Variants in PLEKHA7 observed in about 807,000 individuals in gnomAD.
PLEKHA7 encodes pleckstrin homology domain containing A7.
PLEKHA7 carries 104 observed loss-of-function variants against 170.0 expected under a neutral mutation model. The observed-to-expected ratio is 0.61, with a 90% CI of 0.52 to 0.72. The LOEUF (loss-of-function observed/expected upper bound fraction) is 0.72. Among genes scored for constraint, PLEKHA7 ranks in the 30% least tolerant of loss-of-function variants. The pLI, the probability that PLEKHA7 is intolerant of heterozygous loss-of-function variation, is 0.00. For missense variants in PLEKHA7, 1,615 were observed against 1,671.7 expected (o/e 0.97, Z 0.59); for synonymous variants, 648 against 660.8 (o/e 0.98, Z 0.30).
At position 16,899,407 on chromosome 11, in the gene PLEKHA7, G is replaced by A. The variant is rs547664521; in HGVS notation, c.222-28225C>T. Among the ~76,000 whole-genome samples the A allele has an allele frequency of 1.8e-4, 28 of 152,314 alleles. 1 individual carries two copies. In the South Asian group the frequency reaches 5.6e-3, roughly 30 times the overall value. Reference sequence around the variant, plus strand: ...AGCTACTAGGGAGGCTGAGGAAGGAGAATCGCTTGAACCTGGGAGGCGGAG... The same window carrying A: ...AGCTACTAGGGAGGCTGAGGAAGGAAAATCGCTTGAACCTGGGAGGCGGAG... On this transcript the variant is annotated intron_variant, in intron 3 of 26. Transcript: ENST00000531066.
At chr11:16,810,734 A>T (rs1009017611) in intron 13 of PLEKHA7, among the ~76,000 whole-genome samples, 1 of 152,210 alleles carries the variant, frequency 6.6e-6, no homozygotes, top group African/African-American at 2.4e-5. Flanking sequence ...ATTTCTTGGC[A>T]TAACAATCCA....
chr11:16,800,412 T>C (rs1590160199), intron 17 of PLEKHA7, among the ~76,000 whole-genome samples: 1 of 152,130 alleles, frequency 6.6e-6, no homozygotes, highest in Non-Finnish European at 1.5e-5. Flanking sequence ...GTGGCAGGGC[T>C]CTAAGGCCAA....
intron 8 of PLEKHA7, among the ~76,000 whole-genome samples, chr11:16,843,829 C>T (rs1051930343): frequency 2.0e-5 from 3 of 152,034 alleles, no homozygotes; most frequent in African/African-American, 7.2e-5. Flanking sequence ...CTCAGCTACT[C>T]GGGAGGCTGA....
chr11:16,829,859 TTTTTC>T (rs201111448), intron 9 of PLEKHA7, among the ~76,000 whole-genome samples: 218 of 135,248 alleles, frequency 1.6e-3, no homozygotes, highest in African/African-American at 8.1e-3. Flanking sequence ...TCTTTTTTCT[TTTTTC>T]TTTTTTTCAC....
intron 8 of PLEKHA7, among the ~76,000 whole-genome samples, chr11:16,845,889 C>A (rs1384718847): frequency 2.0e-5 from 3 of 151,986 alleles, no homozygotes; most frequent in Non-Finnish European, 4.4e-5. Context: ...TACCTGCAGG[C>A]CTTGGCAATG....
chr11:16,937,576 A>G (rs1303791138), intron 3 of PLEKHA7, among the ~76,000 whole-genome samples: 1 of 152,110 alleles, frequency 6.6e-6, no homozygotes. Context: ...ACAAACTAGG[A>G]AGCACTTAGC....
At chr11:16,801,874 C>G in intron 15 of PLEKHA7, 57 bp from the exon 16 acceptor site, 3 of 1,601,382 alleles carry the variant, frequency 1.9e-6, no homozygotes, top group Non-Finnish European at 2.6e-6. Context: ...CAGAGGCCTC[C>G]CCATACCACA....
chr11:16,972,529 G>C (rs1862785866), intron 3 of PLEKHA7, among the ~76,000 whole-genome samples: 1 of 152,086 alleles, frequency 6.6e-6, no homozygotes, highest in African/African-American at 2.4e-5. Flanking sequence ...TCCTGCCTCG[G>C]CTTCTCAAGT....
chr11:16,929,609 T>C (rs905243288), intron 3 of PLEKHA7, among the ~76,000 whole-genome samples: 4 of 152,208 alleles, frequency 2.6e-5, no homozygotes, highest in Non-Finnish European at 2.9e-5. Context: ...TCTTGGTAAA[T>C]AGCCTAATAA....
chr11:16,956,817 T>C (rs1288029889), intron 3 of PLEKHA7, among the ~76,000 whole-genome samples: 1 of 152,224 alleles, frequency 6.6e-6, no homozygotes, highest in African/African-American at 2.4e-5. Context: ...CTGAGGTCTC[T>C]GGCGGTTATA....
chr11:16,966,598 C>A (rs1049824101), intron 3 of PLEKHA7, among the ~76,000 whole-genome samples: 1 of 152,042 alleles, frequency 6.6e-6, no homozygotes, highest in African/African-American at 2.4e-5. Context: ...AGATCCAGGG[C>A]CTCTAACAAA....
intron 4 of PLEKHA7, among the ~76,000 whole-genome samples, chr11:16,861,184 C>T (rs1297538187): frequency 6.6e-6 from 1 of 152,054 alleles, no homozygotes; most frequent in East Asian, 1.9e-4. Flanking sequence ...AATTCTGTGT[C>T]TGGAGGACTG....
intron 3 of PLEKHA7, among the ~76,000 whole-genome samples, chr11:16,994,883 G>C (rs1370538831): frequency 6.6e-6 from 1 of 152,112 alleles, no homozygotes; most frequent in Non-Finnish European, 1.5e-5. Flanking sequence ...ACATGGCTGT[G>C]TCCCCACCAG....
In PLEKHA7 at chr11:16,984,471, C is replaced by T. The variant is rs1021006722; in HGVS notation, c.221+29518G>A. ...TCAAGGGCCTGCACCTCTCCAGTCT[C>T]AACTCCTACTCCCTGAGCTCCATCC... is the stretch of plus-strand genomic sequence containing the variant. On this transcript the variant is annotated intron_variant, in intron 3 of 26. Coordinates refer to ENST00000531066, the MANE Select transcript of PLEKHA7 (RefSeq NM_001329630.2). Among the ~76,000 whole-genome samples, 13 of 152,290 alleles carry T rather than the reference C, an allele frequency of 8.5e-5. No homozygotes were observed. In the South Asian group the frequency reaches 1.7e-3, roughly 19 times the overall value.
At chr11:16,802,087 T>G (rs1267055945) in intron 15 of PLEKHA7, among the ~76,000 whole-genome samples, 1 of 151,808 alleles carries the variant, frequency 6.6e-6, no homozygotes, top group Non-Finnish European at 1.5e-5. Flanking sequence ...ACTAAGAGAA[T>G]AAACTAAGCT....
In PLEKHA7 at chr11:16,846,106, G is replaced by A. The variant is rs1440783724; in HGVS notation, c.697-4384C>T. Among the ~76,000 whole-genome samples the A allele has an allele frequency of 2.6e-5, 4 of 152,086 alleles. No homozygotes were observed. The East Asian group carries it at 7.7e-4, about 29-fold the overall frequency. ...TTGAGACAAGCCTGGCCAACATGGTGAAACCCAGTCTCTACTAAAAACACA... is the reference window on the plus strand; with the variant it reads ...TTGAGACAAGCCTGGCCAACATGGTAAAACCCAGTCTCTACTAAAAACACA... On this transcript the variant is annotated intron_variant, in intron 8 of 26. Coordinates refer to ENST00000531066, the MANE Select transcript of PLEKHA7 (RefSeq NM_001329630.2).
intron 16 of PLEKHA7, 83 bp from the exon 17 acceptor site, chr11:16,801,158 T>C (rs946179322): frequency 9.6e-5 from 114 of 1,188,688 alleles, no homozygotes; most frequent in Non-Finnish European, 1.4e-4. Flanking sequence ...CTCCTGACCA[T>C]GCTGACCCAG....
rs1015759152 is a variant in PLEKHA7 at position 16,826,226 on chromosome 11, G to A, written c.1237C>T (p.Gln413Ter). The A allele has an allele frequency of 1.2e-6, 2 of 1,614,260 alleles. No homozygotes were observed. The highest frequency in any genetic ancestry group is 1.1e-5 in the South Asian group (1 of 91,084). ...PGEQNGTGGY[Q>*]RAFPPRTNPE... ...TTGGTCCTGGGAGGAAAGGCCCGCT[G>A]GTACCCACCAGTCCCATTCTGTTCT... is the stretch of plus-strand genomic sequence containing the variant. Residue 413 changes from glutamine (Q) to a stop codon, truncating the protein, a stop_gained, in exon 10 of 27, where the codon CAG becomes TAG. Coordinates refer to ENST00000531066, the MANE Select transcript of PLEKHA7 (RefSeq NM_001329630.2). LOFTEE classifies it high-confidence loss of function.
At chr11:17,004,037 C>T (rs1184884502) in intron 3 of PLEKHA7, among the ~76,000 whole-genome samples, 1 of 152,188 alleles carries the variant, frequency 6.6e-6, no homozygotes, top group Non-Finnish European at 1.5e-5. Flanking sequence ...AGGGGGAACT[C>T]GCATTCCTCT....
Sources: allele counts gnomAD v4.1 joint callset (sites outside exome capture counted in the v4.1 genomes callset), GRCh38; gene constraint gnomAD v4.1.1; transcripts MANE v1.5; gene names NCBI Gene and HGNC (gene_info 2026-07-23, HGNC 2026-07-21).